CFAP45: variants seen among roughly 807,000 people sequenced by gnomAD.
CFAP45 encodes cilia and flagella associated protein 45, also known as cilia- and flagella-associated protein 45.
Under a neutral mutation model 75.6 loss-of-function variants are expected in CFAP45, and 43 were observed. The observed-to-expected ratio is 0.57, with a 90% CI of 0.45 to 0.73. The LOEUF (loss-of-function observed/expected upper bound fraction) is 0.73. CFAP45 is among the 30% of genes least tolerant of loss of function. CFAP45 has a pLI of 0.00. For missense variants in CFAP45, 689 were observed against 701.5 expected, an observed-to-expected ratio of 0.98 and a Z score of 0.20; for synonymous variants, 223 against 244.6, an observed-to-expected ratio of 0.91 and a Z score of 0.82.
intron 1 of CFAP45, among the ~76,000 whole-genome samples, chr1:159,899,462 C>CTTT (rs57828010): frequency 1.8e-4 from 11 of 60,546 alleles, no homozygotes; most frequent in African/African-American, 2.6e-4. Flanking sequence ...CTCACCAGTG[C>CTTT]TTTTTTTTTT....
intron 6 of CFAP45, among the ~76,000 whole-genome samples, chr1:159,885,077 C>T (rs1031643812): frequency 2.0e-5 from 3 of 151,996 alleles, no homozygotes; most frequent in Non-Finnish European, 2.9e-5. Context: ...GCTGGAAGAA[C>T]GGGAGAAGAC....
At chr1:159,894,740 C>G (rs900491773) in intron 1 of CFAP45, among the ~76,000 whole-genome samples, 2 of 152,142 alleles carry the variant, frequency 1.3e-5, no homozygotes, top group African/African-American at 4.8e-5. Flanking sequence ...CAAATATTCA[C>G]CTCAGCCTGG....
intron 3 of CFAP45, among the ~76,000 whole-genome samples, 155 bp from the exon 4 acceptor site, chr1:159,888,651 T>C (rs145273618): frequency 7.4e-4 from 111 of 150,610 alleles, no homozygotes; most frequent in African/African-American, 2.5e-3. Flanking sequence ...CACTGGGGAG[T>C]AGATGTTCCA....
chr1:159,897,215 G>A (rs1288917048), intron 1 of CFAP45, among the ~76,000 whole-genome samples: 1 of 152,126 alleles, frequency 6.6e-6, no homozygotes. Flanking sequence ...AGTGAGCCAA[G>A]GTTGAGCCAC....
At chr1:159,897,474 T>G (rs541041007) in intron 1 of CFAP45, among the ~76,000 whole-genome samples, 2 of 151,996 alleles carry the variant, frequency 1.3e-5, no homozygotes, top group East Asian at 3.9e-4. Flanking sequence ...TCCCAGCTAC[T>G]CAGGAGGCTG....
At chr1:159,893,358 C>T (rs1649874006) in intron 1 of CFAP45, 53 bp from the exon 2 acceptor site, 1 of 1,591,204 alleles carries the variant, frequency 6.3e-7, no homozygotes, top group Non-Finnish European at 8.6e-7. Context: ...GCATCCAGAC[C>T]CTGGGAAGTC....
chr1:159,876,121 C>T (rs141357874), intron 10 of CFAP45: 33 of 201,148 alleles, frequency 1.6e-4, no homozygotes, highest in Admixed American at 1.2e-3. Flanking sequence ...GTCAAATGAA[C>T]GGCAAACAGC....
intron 4 of CFAP45, 128 bp from the exon 5 acceptor site, chr1:159,888,139 G>A (rs1479961923): frequency 8.7e-7 from 1 of 1,154,814 alleles, no homozygotes; most frequent in Non-Finnish European, 1.2e-6. Flanking sequence ...GAGCCAAGAA[G>A]TTCCACAGCC....
Position 159,876,703 on chromosome 1 carries a change from C to A in CFAP45, c.1205G>T (p.Trp402Leu), listed in dbSNP as rs147608015. 87 of 1,614,072 alleles carry A rather than the reference C, an allele frequency of 5.4e-5. No homozygotes were observed. The highest frequency in any genetic ancestry group is 6.9e-5 in the Non-Finnish European group (82 of 1,180,034). The change falls in exon 10 of 12, where the codon TGG becomes TTG. Residue 402 changes from tryptophan (W) to leucine (L), a missense_variant. Coordinates refer to ENST00000368099, the MANE Select transcript of CFAP45 (RefSeq NM_012337.3). ...CGCATTTTCCTTTTCCTTTCTGCGC[C>A]ACTCTCTGTCTGCAACCTCCTGGTT... is the stretch of plus-strand genomic sequence containing the variant. ...KRNQEVADRE[W>L]RRKEKENARK...
At chr1:159,894,274 T>A (rs1649897441) in intron 1 of CFAP45, among the ~76,000 whole-genome samples, 1 of 152,234 alleles carries the variant, frequency 6.6e-6, no homozygotes, top group Admixed American at 6.5e-5. Flanking sequence ...ATTATCTGCC[T>A]AGTACCAGTT....
At chr1:159,894,800 TA>T (rs1253686788) in intron 1 of CFAP45, among the ~76,000 whole-genome samples, 1 of 152,158 alleles carries the variant, frequency 6.6e-6, no homozygotes, top group African/African-American at 2.4e-5. Flanking sequence ...TGACAATGAC[TA>T]GGGAACTAGT....
intron 8 of CFAP45, among the ~76,000 whole-genome samples, chr1:159,878,768 A>AAAAAAAAAAAAAAAACAAAC (rs1345139458): frequency 7.1e-6 from 1 of 141,306 alleles, no homozygotes; most frequent in East Asian, 2.0e-4. Context: ...AAAAAAAAAA[A>AAAAAAAAAAAAAAAACAAAC]AAAAAAAAAA....
intron 1 of CFAP45, among the ~76,000 whole-genome samples, chr1:159,894,627 T>A (rs925164935): frequency 2.0e-5 from 3 of 152,180 alleles, no homozygotes; most frequent in Non-Finnish European, 4.4e-5. Flanking sequence ...TAGTGTGCCT[T>A]AGTCATTTTT....
Position 159,900,145 on chromosome 1 carries a change from C to A in CFAP45, c.-47G>T, listed in dbSNP as rs768560353. 2.5e-6 allele frequency: 4 copies of A among 1,613,654 alleles called. No individual in the cohort carries two copies. Among genetic ancestry groups the A allele is most frequent in the Non-Finnish European group, 3.4e-6 (4 of 1,179,790 alleles). ...CTCCGGACTTCTGCTGCCGCCTCGG[C>A]GCCGCCAAGGCCCTAGTGTTGACGC... is the stretch of plus-strand genomic sequence containing the variant. On this transcript the variant is annotated 5_prime_UTR_variant, in exon 1 of 12. Coordinates refer to ENST00000368099, the MANE Select transcript of CFAP45 (RefSeq NM_012337.3).
chr1:159,894,783 C>A (rs961291387), intron 1 of CFAP45, among the ~76,000 whole-genome samples: 1 of 152,152 alleles, frequency 6.6e-6, no homozygotes, highest in Non-Finnish European at 1.5e-5. Flanking sequence ...ATGAGATGGC[C>A]CTGGACTGAC....
At chr1:159,884,666 A>C in intron 6 of CFAP45, 101 bp from the exon 7 acceptor site, 1 of 1,225,592 alleles carries the variant, frequency 8.2e-7, no homozygotes, top group Non-Finnish European at 1.1e-6. Flanking sequence ...GGTGTCACCG[A>C]AACAATTTGA....
chr1:159,880,375 C>T (rs112551615), intron 8 of CFAP45, among the ~76,000 whole-genome samples, 179 bp downstream of exon 8: 145 of 152,284 alleles, frequency 9.5e-4, no homozygotes, highest in African/African-American at 3.2e-3. Flanking sequence ...TCTCTGTTAA[C>T]GAACAAGTGG....
Position 159,880,671 on chromosome 1 carries a change from C to T in CFAP45, c.927G>A (p.Leu309=). Residue 309 remains leucine, a synonymous_variant, in exon 8 of 12, where the codon CTG becomes CTA. Coordinates refer to ENST00000368099, the MANE Select transcript of CFAP45 (RefSeq NM_012337.3). ...KDMERRQQQK[L]KMQAEIKRIN... Reference sequence around the variant, plus strand: ...TGCGCTTAATCTCAGCTTGCATCTTCAGTTTTTGTTGCTGCCTTCGTTCCA... The same window carrying T: ...TGCGCTTAATCTCAGCTTGCATCTTTAGTTTTTGTTGCTGCCTTCGTTCCA... 3 of 1,613,830 alleles carry T rather than the reference C, an allele frequency of 1.9e-6. No homozygotes were observed. The highest frequency in any genetic ancestry group is 2.5e-6 in the Non-Finnish European group (3 of 1,179,876).
Position 159,886,610 on chromosome 1 carries a change from G to C in CFAP45, c.668C>G (p.Thr223Arg). The C allele has an allele frequency of 1.2e-6, 2 of 1,614,034 alleles. No homozygotes were observed. The highest frequency in any genetic ancestry group is 1.6e-4 in the Middle Eastern group (1 of 6,062). The change falls in exon 6 of 12, where the codon ACA becomes AGA. Residue 223 changes from threonine (T) to arginine (R), a missense_variant. Coordinates refer to ENST00000368099, the MANE Select transcript of CFAP45 (RefSeq NM_012337.3). Reference protein sequence around the residue: ...EKQQIQKELDTEEKRLDQMME... With the variant: ...EKQQIQKELDREEKRLDQMME... ...CATCTGATCCAACCGCTTCTCTTCT[G>C]TGTCCAGTTCTTTTTGGATCTGCTG... is the stretch of plus-strand genomic sequence containing the variant.
Sources: allele counts gnomAD v4.1 joint callset (sites outside exome capture counted in the v4.1 genomes callset), GRCh38; gene constraint gnomAD v4.1.1; transcripts MANE v1.5; gene names NCBI Gene and HGNC (gene_info 2026-07-23, HGNC 2026-07-21).